Variants in TNNI3K observed in about 807,000 individuals in gnomAD.
TNNI3K encodes TNNI3 interacting kinase.
Under a neutral mutation model 114.5 loss-of-function variants are expected in TNNI3K, and 140 were observed. That is an observed-to-expected ratio of 1.22 (90% confidence interval 1.07 to 1.41). TNNI3K has a LOEUF of 1.41. Ranked by LOEUF, TNNI3K falls within the 40% of genes most tolerant of loss-of-function variation. The pLI is 0.00. For synonymous variants in TNNI3K, 347 were observed against 347.5 expected (o/e 1.00, Z 0.02); for missense variants, 1,125 against 1,007.6 (o/e 1.12, Z -1.58).
chr1:74,240,000 G>C (rs41289186), intron 2 of TNNI3K: 23,920 of 469,826 alleles, frequency 0.051, 711 homozygotes, highest in East Asian at 0.12. Flanking sequence ...AGAGAAGGCA[G>C]GAGGAGAAAG....
At chr1:74,265,564 G>T (rs899325319) in intron 4 of TNNI3K, among the ~76,000 whole-genome samples, 9 of 152,038 alleles carry the variant, frequency 5.9e-5, no homozygotes, top group African/African-American at 2.2e-4. Context: ...ATCTATTTCT[G>T]CCACACATGA....
At chr1:74,436,574 G>C (rs1666139455) in intron 19 of TNNI3K, 48 bp downstream of exon 19, 1 of 1,556,650 alleles carries the variant, frequency 6.4e-7, no homozygotes, top group South Asian at 1.2e-5. Context: ...ATTAAAATAT[G>C]TAAACTCAGC....
chr1:74,460,145 G>A (rs1375683780), intron 20 of TNNI3K, among the ~76,000 whole-genome samples: 1 of 151,134 alleles, frequency 6.6e-6, no homozygotes, highest in Non-Finnish European at 1.5e-5. Context: ...GCACGATCTC[G>A]ACTCACTGCA....
At chr1:74,518,067 G>A (rs183740403) in intron 23 of TNNI3K, among the ~76,000 whole-genome samples, 64 of 152,278 alleles carry the variant, frequency 4.2e-4, no homozygotes, top group African/African-American at 1.3e-3. Context: ...GAGATTAATA[G>A]GGCAGCCGTG....
intron 17 of TNNI3K, among the ~76,000 whole-genome samples, chr1:74,413,027 A>G (rs1480195507): frequency 6.6e-6 from 1 of 152,232 alleles, no homozygotes; most frequent in Admixed American, 6.5e-5. Context: ...GGTAGAAAAG[A>G]ATACAAAACA....
chr1:74,466,446 G>A (rs1348002672), intron 21 of TNNI3K, among the ~76,000 whole-genome samples: 1 of 152,038 alleles, frequency 6.6e-6, no homozygotes, highest in Non-Finnish European at 1.5e-5. Flanking sequence ...AACAGAAATT[G>A]GAATATGGCC....
chr1:74,504,227 A>C (rs1343800464), intron 23 of TNNI3K, among the ~76,000 whole-genome samples: 1 of 152,220 alleles, frequency 6.6e-6, no homozygotes, highest in Middle Eastern at 3.2e-3. Flanking sequence ...CTGTGATGAA[A>C]GGTGATAGGG....
intron 21 of TNNI3K, chr1:74,475,738 T>C: frequency 1.5e-6 from 1 of 673,370 alleles, no homozygotes; most frequent in Non-Finnish European, 2.7e-6. Flanking sequence ...TTCTGATGTG[T>C]GTTCATTTGC....
intron 4 of TNNI3K, among the ~76,000 whole-genome samples, chr1:74,251,898 C>T (rs1654952064): frequency 6.6e-6 from 1 of 152,174 alleles, no homozygotes; most frequent in Admixed American, 6.5e-5. Flanking sequence ...TGGGAGAAAG[C>T]CTCAGTTAAG....
Position 74,369,194 on chromosome 1 carries a change from T to G in TNNI3K, c.1415-13T>G. On this transcript the variant is annotated splice_polypyrimidine_tract_variant and intron_variant, in intron 14 of 24. Transcript: ENST00000326637. The stretch of plus-strand genomic sequence containing the variant: ...TTAATATGTGTTTATTTATTTATTT[T>G]AAACAATTGTAGGTTCTTTTGGGAA... 6 of 1,606,644 alleles carry G rather than the reference T, an allele frequency of 3.7e-6. No homozygotes were observed. Among genetic ancestry groups the G allele is most frequent in the Non-Finnish European group, 5.1e-6 (6 of 1,177,228 alleles).
intron 17 of TNNI3K, among the ~76,000 whole-genome samples, chr1:74,394,424 G>A (rs1663964556): frequency 6.6e-6 from 1 of 152,110 alleles, no homozygotes; most frequent in Non-Finnish European, 1.5e-5. Flanking sequence ...AGGAAATAAT[G>A]TATACAGTGG....
At chr1:74,255,351 C>T (rs1360746404) in intron 4 of TNNI3K, among the ~76,000 whole-genome samples, 1 of 61,756 alleles carries the variant, frequency 1.6e-5, no homozygotes, top group African/African-American at 4.2e-5. Context: ...GAGACTCCGT[C>T]TCAAAAAAAA....
chr1:74,417,698 GTGTGTGTGTGTGTGT>G (rs1317442461), intron 17 of TNNI3K, among the ~76,000 whole-genome samples: 1 of 27,986 alleles, frequency 3.6e-5, no homozygotes, highest in East Asian at 2.1e-3. Flanking sequence ...GTGTGTGTGT[GTGTGTGTGTGTGTGT>G]GTGTGTGTGT....
At chr1:74,273,410 G>C (rs559734821) in intron 5 of TNNI3K, among the ~76,000 whole-genome samples, 2 of 151,926 alleles carry the variant, frequency 1.3e-5, no homozygotes, top group East Asian at 3.9e-4. Context: ...GTAAATGAGT[G>C]GTAAACATTA....
intron 23 of TNNI3K, among the ~76,000 whole-genome samples, chr1:74,521,050 G>A (rs549299185): frequency 1.3e-5 from 2 of 152,246 alleles, no homozygotes; most frequent in South Asian, 4.1e-4. Context: ...ACTGGACAGA[G>A]TGTTCTTACA....
intron 17 of TNNI3K, among the ~76,000 whole-genome samples, chr1:74,417,624 G>A (rs979378688): frequency 6.6e-6 from 1 of 151,472 alleles, no homozygotes; most frequent in East Asian, 1.9e-4. Flanking sequence ...CAGAGGGTCT[G>A]AACTAACAGG....
At chr1:74,403,980 A>G (rs772866947) in intron 17 of TNNI3K, among the ~76,000 whole-genome samples, 12 of 152,096 alleles carry the variant, frequency 7.9e-5, no homozygotes, top group Non-Finnish European at 1.6e-4. Flanking sequence ...TGTGTTGTCT[A>G]TTTAGTAATG....
At chr1:74,416,447 C>G (rs932001353) in intron 17 of TNNI3K, 13 of 964,018 alleles carry the variant, frequency 1.3e-5, no homozygotes, top group African/African-American at 1.8e-5. Context: ...TTTGGGGTGC[C>G]TAGAAGTTAT....
chr1:74,236,249 C>T, intron 2 of TNNI3K, 39 bp downstream of exon 2: 2 of 1,536,606 alleles, frequency 1.3e-6, no homozygotes, highest in South Asian at 1.2e-5. Context: ...GTATAAGTGT[C>T]TTCAGTATTC....
Sources: allele counts gnomAD v4.1 joint callset (sites outside exome capture counted in the v4.1 genomes callset), GRCh38; gene constraint gnomAD v4.1.1; transcripts MANE v1.5; gene names NCBI Gene and HGNC (gene_info 2026-07-23, HGNC 2026-07-21).